SHANK2: variants seen among roughly 807,000 people sequenced by gnomAD.
SHANK2 encodes the protein SH3 and multiple ankyrin repeat domains protein 2.
SHANK2 carries 43 observed loss-of-function variants against 133.7 expected under a neutral mutation model. The ratio of observed to expected loss-of-function variants is 0.32; its 90% CI spans 0.25 to 0.41. The LOEUF is 0.41. SHANK2 is among the 10% of genes least tolerant of loss of function. SHANK2 has a pLI of 1.00. For missense variants in SHANK2, 1,994 were observed against 2,235.8 expected, an observed-to-expected ratio of 0.89 and a Z score of 2.18; for synonymous variants, 1,017 against 952.8, an observed-to-expected ratio of 1.07 and a Z score of -1.24.
chr11:70,944,009 C>A, intron 10 of SHANK2: 1 of 455,808 alleles, frequency 2.2e-6, no homozygotes, highest in South Asian at 1.6e-5. Flanking sequence ...CAGCCACAGG[C>A]CCACTTGGTT....
intron 8 of SHANK2, among the ~76,000 whole-genome samples, chr11:71,077,069 C>T (rs1299259044): frequency 6.6e-6 from 1 of 152,062 alleles, no homozygotes; most frequent in Non-Finnish European, 1.5e-5. Flanking sequence ...CTGTCTGAGC[C>T]CCTCTAAGCT....
rs1362322560 is a variant in SHANK2 at position 71,252,134 on chromosome 11, C to T, written c.-113+291G>A. 6.6e-6 allele frequency among the ~76,000 whole-genome samples: 1 copy of T among 152,206 alleles called. No individual in the cohort carries two copies. The highest frequency in any genetic ancestry group is 1.5e-5 in the Non-Finnish European group (1 of 68,024). On this transcript the variant is annotated intron_variant, in intron 1 of 25. Transcript: ENST00000601538. This position sits in a 1 kb window ranked among gnomAD's most constrained non-coding sequence, Gnocchi z 6.3. ...GATAAAGCGGGGGCTCCTTCCTGCG[C>T]TCTGCCCCCACGCCGCTTCCAAAGC...
intron 21 of SHANK2, among the ~76,000 whole-genome samples, chr11:70,499,853 G>C (rs113962537): frequency 0.022 from 3,368 of 152,296 alleles, 50 homozygotes; most frequent in South Asian, 0.086. Context: ...GATTGGGACA[G>C]AGTTAAGATG....
At chr11:70,683,497 T>G (rs1187767845) in intron 15 of SHANK2, among the ~76,000 whole-genome samples, 4 of 152,158 alleles carry the variant, frequency 2.6e-5, no homozygotes, top group Non-Finnish European at 1.5e-5. Context: ...GCTCTCAGAG[T>G]TTCCTGTGGA....
chr11:70,562,343 T>G (rs2136135006), intron 17 of SHANK2, among the ~76,000 whole-genome samples: 1 of 152,370 alleles, frequency 6.6e-6, no homozygotes, highest in Non-Finnish European at 1.5e-5. Context: ...CCGGCTGACT[T>G]TCTGTACACT....
chr11:70,880,649 C>T (rs1305251933), intron 11 of SHANK2, among the ~76,000 whole-genome samples: 1 of 152,196 alleles, frequency 6.6e-6, no homozygotes, highest in Non-Finnish European at 1.5e-5. Flanking sequence ...TGGGCTTGTG[C>T]CCTATGCTGG....
chr11:70,831,527 CCACAGGCATCCCA>C, intron 11 of SHANK2, among the ~76,000 whole-genome samples: 1 of 152,312 alleles, frequency 6.6e-6, no homozygotes, highest in East Asian at 1.9e-4. Flanking sequence ...CAGCCCCTGC[CCACAGGCATCCCA>C]CAGACTCACC....
intron 17 of SHANK2, among the ~76,000 whole-genome samples, chr11:70,606,813 A>G (rs558370983): frequency 5.3e-5 from 8 of 152,284 alleles, no homozygotes; most frequent in East Asian, 1.9e-4. Context: ...GTCAAACCGC[A>G]GCAGGAAGAT....
Position 70,468,113 on chromosome 11 carries a change from C to G in SHANK2, c.*4756G>C, listed in dbSNP as rs1438050596. 1 of 152,076 alleles carries G rather than the reference C, an allele frequency of 6.6e-6. No homozygotes were observed. The highest frequency in any genetic ancestry group is 1.5e-5 in the Non-Finnish European group (1 of 67,974). 9.4% of individuals were successfully genotyped at this position (152,076 alleles called of 1,614,324 possible). A position where few individuals can be genotyped will look rare whatever the true frequency, so the allele number is the denominator to read the frequency against. On this transcript the variant is annotated 3_prime_UTR_variant, in exon 26 of 26. Coordinates refer to ENST00000601538, the MANE Select transcript of SHANK2 (RefSeq NM_012309.5). ...CATTTGAATACAATATGGTTTTATG[C>G]AGATCAGGTTCAAAACACCCAAGGC... is the stretch of plus-strand genomic sequence containing the variant.
intron 17 of SHANK2, among the ~76,000 whole-genome samples, chr11:70,625,977 G>A (rs1308148654): frequency 2.0e-5 from 3 of 152,062 alleles, no homozygotes; most frequent in Non-Finnish European, 4.4e-5. Flanking sequence ...GGCCCCTCCC[G>A]CTCGGAGGGC....
At chr11:70,589,792 A>T (rs529485251) in intron 17 of SHANK2, among the ~76,000 whole-genome samples, 2 of 152,268 alleles carry the variant, frequency 1.3e-5, no homozygotes, top group South Asian at 2.1e-4. Context: ...TCCCTCATGG[A>T]TGGCTTTGAG....
intron 14 of SHANK2, among the ~76,000 whole-genome samples, chr11:70,770,023 G>A (rs1947213097): frequency 6.6e-6 from 1 of 152,202 alleles, no homozygotes; most frequent in Non-Finnish European, 1.5e-5. Context: ...GTAACCTTGT[G>A]TTGAGCATGT....
intron 16 of SHANK2, 50 bp downstream of exon 16, chr11:70,661,546 C>T: frequency 7.8e-7 from 1 of 1,282,194 alleles, no homozygotes; most frequent in Non-Finnish European, 1.1e-6. Flanking sequence ...CACACACACA[C>T]ACACACACAA....
chr11:71,137,089 C>G (rs782158609), intron 3 of SHANK2, among the ~76,000 whole-genome samples: 13 of 152,076 alleles, frequency 8.5e-5, no homozygotes, highest in Middle Eastern at 3.2e-3. Context: ...TCTCAAACTC[C>G]TGACCTCAGG....
At chr11:71,102,134 C>T (rs1180489250) in intron 6 of SHANK2, among the ~76,000 whole-genome samples, 2 of 152,164 alleles carry the variant, frequency 1.3e-5, no homozygotes, top group African/African-American at 4.8e-5. Flanking sequence ...AAAGGGCCAA[C>T]CTAAATTTTG....
chr11:70,902,074 T>C (rs1487141474), intron 10 of SHANK2, among the ~76,000 whole-genome samples: 1 of 152,116 alleles, frequency 6.6e-6, no homozygotes, highest in African/African-American at 2.4e-5. Context: ...CGGCTGGCAC[T>C]CTTGGACAGA....
At chr11:70,919,483 A>G (rs955858587) in intron 10 of SHANK2, among the ~76,000 whole-genome samples, 1 of 151,890 alleles carries the variant, frequency 6.6e-6, no homozygotes, top group Admixed American at 6.6e-5. Flanking sequence ...CCAGGTTCTA[A>G]GCAATTCTCC....
At chr11:70,913,678 A>G (rs1950226983) in intron 10 of SHANK2, among the ~76,000 whole-genome samples, 2 of 152,232 alleles carry the variant, frequency 1.3e-5, no homozygotes, top group Admixed American at 1.3e-4. Context: ...TGGGGGCTAA[A>G]AGAGAAGATT....
At chr11:70,842,153 C>T (rs1237804016) in intron 11 of SHANK2, among the ~76,000 whole-genome samples, 2 of 152,168 alleles carry the variant, frequency 1.3e-5, no homozygotes, top group South Asian at 2.1e-4. Flanking sequence ...TGAAAACTCA[C>T]CAAGCATTTA....
Sources: gnomAD v4.1 joint callset for allele counts (sites outside exome capture counted in the v4.1 genomes callset) on GRCh38, gnomAD v4.1.1 for gene constraint, Gnocchi (gnomAD v3.1) non-coding constraint, MANE v1.5 for transcripts, NCBI Gene and HGNC (gene_info 2026-07-23, HGNC 2026-07-21) for gene names.